The following LIFR variants were observed in gnomAD, a reference collection of about 807,000 sequenced individuals.
LIFR encodes the protein LIF receptor subunit alpha, also known as leukemia inhibitory factor receptor.
LIFR carries 84 observed loss-of-function variants against 122.2 expected under a neutral mutation model. That is an observed-to-expected ratio of 0.69 (90% confidence interval 0.58 to 0.82). The LOEUF (loss-of-function observed/expected upper bound fraction) is 0.82. LIFR is among the 40% of genes least tolerant of loss of function. The pLI, the probability that LIFR is intolerant of heterozygous loss-of-function variation, is 0.00. For synonymous variants in LIFR, 422 were observed against 434.7 expected, an observed-to-expected ratio of 0.97 and a Z score of 0.36; for missense variants, 1,294 against 1,311.6, an observed-to-expected ratio of 0.99 and a Z score of 0.21.
At chr5:38,578,280 C>G (rs1292869961) in intron 1 of LIFR, among the ~76,000 whole-genome samples, 1 of 141,506 alleles carries the variant, frequency 7.1e-6, no homozygotes, top group Non-Finnish European at 1.5e-5. Flanking sequence ...GATCTCGGCT[C>G]ACCGCAACGT....
chr5:38,581,497 G>C (rs1241092125), intron 1 of LIFR, among the ~76,000 whole-genome samples: 1 of 152,132 alleles, frequency 6.6e-6, no homozygotes, highest in African/African-American at 2.4e-5. Flanking sequence ...CCTAAGGTAC[G>C]CTGCTGTAAC....
At chr5:38,593,811 A>G (rs1374325006) in intron 1 of LIFR, among the ~76,000 whole-genome samples, 1 of 152,162 alleles carries the variant, frequency 6.6e-6, no homozygotes, top group Non-Finnish European at 1.5e-5. Flanking sequence ...ATGTGAAGAC[A>G]TGATAAGAAA....
In LIFR at chr5:38,501,354, T is replaced by C. The variant is rs540318955; in HGVS notation, c.1600+1283A>G. 3.1e-4 allele frequency among the ~76,000 whole-genome samples: 47 copies of C among 152,344 alleles called. No homozygotes were observed. The East Asian group carries it at 3.3e-3, about 11-fold the overall frequency. On this transcript the variant is annotated intron_variant, in intron 11 of 19. Transcript: ENST00000453190. ...GGAGAGGCAAAAATCTAGATTAACA[T>C]CTATCATTTATTTGCTTTGCTATTT...
chr5:38,582,505 C>CAAACAGCCTTGGGCATTTATAT (rs1435062128), intron 1 of LIFR, among the ~76,000 whole-genome samples: 1 of 152,094 alleles, frequency 6.6e-6, no homozygotes. Context: ...GCTATTTATG[C>CAAACAGCCTTGGGCATTTATAT]AAACAGCCTT....
chr5:38,524,704 T>C lies in LIFR; in HGVS notation c.398-1122A>G, dbSNP rs76773122. ...AGACACCATGGAGTCAGAACGTGGATGCAGACTTAAAAGGAACTGATTGAG... is the reference window on the plus strand; with the variant it reads ...AGACACCATGGAGTCAGAACGTGGACGCAGACTTAAAAGGAACTGATTGAG... On this transcript the variant is annotated intron_variant, in intron 4 of 19. Coordinates refer to ENST00000453190, the MANE Select transcript of LIFR (RefSeq NM_001127671.2). Among the ~76,000 whole-genome samples the C allele has an allele frequency of 6.4e-3, 974 of 152,256 alleles. 14 individuals carry two copies. Among genetic ancestry groups the C allele is most frequent in the African/African-American group, 0.022 (920 of 41,554 alleles).
intron 1 of LIFR, among the ~76,000 whole-genome samples, chr5:38,549,133 A>G (rs1748054113): frequency 6.6e-6 from 1 of 152,152 alleles, no homozygotes; most frequent in African/African-American, 2.4e-5. Context: ...ATGTGTGGGA[A>G]ATCCAGGAAA....
At chr5:38,539,149 G>C (rs1251046079) in intron 1 of LIFR, among the ~76,000 whole-genome samples, 1 of 152,074 alleles carries the variant, frequency 6.6e-6, no homozygotes, top group Non-Finnish European at 1.5e-5. Context: ...TTTTAGGAGA[G>C]ACGGGGTTTC....
At chr5:38,532,916 A>C (rs1747093833) in intron 1 of LIFR, among the ~76,000 whole-genome samples, 1 of 152,144 alleles carries the variant, frequency 6.6e-6, no homozygotes, top group South Asian at 2.1e-4. Flanking sequence ...TTTTTATACG[A>C]TTTCAGGAGC....
intron 11 of LIFR, among the ~76,000 whole-genome samples, chr5:38,502,303 G>A (rs926257556): frequency 6.6e-6 from 1 of 151,718 alleles, no homozygotes; most frequent in African/African-American, 2.4e-5. Flanking sequence ...TGTTGCCCAG[G>A]CTGGAGTGCA....
intron 2 of LIFR, among the ~76,000 whole-genome samples, chr5:38,602,557 A>G (rs1243652909): frequency 6.6e-6 from 1 of 151,616 alleles, no homozygotes; most frequent in Admixed American, 6.6e-5. Flanking sequence ...GTTTTCCAGC[A>G]TTAGCGGGCT....
intron 1 of LIFR, among the ~76,000 whole-genome samples, chr5:38,546,818 C>T (rs1747918409): frequency 1.3e-5 from 2 of 152,224 alleles, no homozygotes; most frequent in South Asian, 4.1e-4. Flanking sequence ...CCCAGCAATG[C>T]AGCCTGTGGA....
At position 38,481,792 on chromosome 5, in the gene LIFR, T is replaced by G. The variant is rs1744001690; in HGVS notation, c.3097A>C (p.Asn1033His). 1 of 1,614,124 alleles carries G rather than the reference T, an allele frequency of 6.2e-7. No homozygotes were observed. The highest frequency in any genetic ancestry group is 8.5e-7 in the Non-Finnish European group (1 of 1,180,008). The part of the protein sequence containing the change: ...DKTAGYRPQA[N>H]VNTWNLVSPD... ...GACACTAAATTCCATGTATTTACAT[T>G]GGCCTGAGGTCTGTAACCCGCAGTT... is the stretch of plus-strand genomic sequence containing the variant. The change falls in exon 20 of 20, where the codon AAT becomes CAT. Residue 1033 changes from asparagine to histidine, a missense_variant. Coordinates refer to ENST00000453190, the MANE Select transcript of LIFR (RefSeq NM_001127671.2).
chr5:38,485,900 T>C lies in LIFR; in HGVS notation c.2416A>G (p.Ser806Gly). The C allele has an allele frequency of 6.2e-7, 1 of 1,614,140 alleles. No homozygotes were observed. Among genetic ancestry groups the C allele is most frequent in the Non-Finnish European group, 8.5e-7 (1 of 1,179,972 alleles). ...TAGGCTCGCAAGACCAGGTGGTAACTTGTTTTACCTTGAAGATCAGCAATT... is the reference window on the plus strand; with the variant it reads ...TAGGCTCGCAAGACCAGGTGGTAACCTGTTTTACCTTGAAGATCAGCAATT... ...LRIADLQGKT[S>G]YHLVLRAYTD... The change falls in exon 17 of 20, where the codon AGT becomes GGT. Residue 806 changes from serine to glycine, a missense_variant. Coordinates refer to ENST00000453190, the MANE Select transcript of LIFR (RefSeq NM_001127671.2).
intron 1 of LIFR, among the ~76,000 whole-genome samples, chr5:38,581,619 G>C (rs775094943): frequency 2.6e-5 from 4 of 152,124 alleles, no homozygotes; most frequent in Non-Finnish European, 5.9e-5. Flanking sequence ...CTTTTTTCTG[G>C]GACTGAAGTG....
At chr5:38,571,826 A>T (rs1749223581) in intron 1 of LIFR, among the ~76,000 whole-genome samples, 1 of 152,200 alleles carries the variant, frequency 6.6e-6, no homozygotes, top group African/African-American at 2.4e-5. Context: ...GCTAATATGC[A>T]TCATGAACCT....
chr5:38,510,545 T>A lies in LIFR; in HGVS notation c.910A>T (p.Ile304Phe). The A allele has an allele frequency of 6.2e-7, 1 of 1,614,008 alleles. No homozygotes were observed. The highest frequency in any genetic ancestry group is 8.5e-7 in the Non-Finnish European group (1 of 1,179,954). The part of the protein sequence containing the change: ...GENVAIKIRN[I>F]SVSASSGTNV... ...GTTCCACTACTTGCAGAAACAGAAA[T>A]ATTACGAATCTTGATTGCAACATTT... Residue 304 changes from isoleucine to phenylalanine, a missense_variant, in exon 7 of 20, where the codon ATT (isoleucine) becomes TTT (phenylalanine). Ile to Phe is a conservative substitution (Grantham distance 21, BLOSUM62 0). Coordinates refer to ENST00000453190, the MANE Select transcript of LIFR (RefSeq NM_001127671.2).
chr5:38,481,556 CTTA>C lies in LIFR; in HGVS notation c.*36_*38del. On this transcript the variant is annotated 3_prime_UTR_variant, in exon 20 of 20. Coordinates refer to ENST00000453190, the MANE Select transcript of LIFR (RefSeq NM_001127671.2). ...GATGTAGCAACACTAGCAGTAAGAG[CTTA>C]TTGAGATGGCTGACTGAAGTGACAC... 1 of 1,611,482 alleles carries C rather than the reference CTTA, an allele frequency of 6.2e-7. No individual in the cohort carries two copies. The highest frequency in any genetic ancestry group is 1.3e-5 in the African/African-American group (1 of 74,984).
chr5:38,597,481 T>A (rs1750130438), upstream of LIFR, among the ~76,000 whole-genome samples: 1 of 152,114 alleles, frequency 6.6e-6, no homozygotes, highest in African/African-American at 2.4e-5. Flanking sequence ...ACATATTGCT[T>A]GTGGGAGTAG....
chr5:38,482,123 A>G lies in LIFR; in HGVS notation c.2766T>C (p.Asp922=), dbSNP rs61027880. 9.0e-4 allele frequency: 1,430 copies of G among 1,585,212 alleles called. 17 individuals carry two copies. The African/African-American group carries it at 0.016, about 18-fold the overall frequency. Residue 922 remains aspartate, a synonymous_variant, in exon 20 of 20, where the codon GAT becomes GAC. Transcript: ENST00000453190. ...CAGCTACTGGGGAAATTATTTCTGT[A>G]TCTTCTATTTTAGGAAATGCTGATC... is the stretch of plus-strand genomic sequence containing the variant. The part of the protein sequence containing the change: ...ETRSAFPKIE[D]TEIISPVAER...
Sources: allele counts gnomAD v4.1 joint callset (sites outside exome capture counted in the v4.1 genomes callset), GRCh38; gene constraint gnomAD v4.1.1; transcripts MANE v1.5; gene names NCBI Gene and HGNC (gene_info 2026-07-23, HGNC 2026-07-21).